Variants in PDE8B observed in about 807,000 individuals in gnomAD.
PDE8B encodes the protein phosphodiesterase 8B, also known as high affinity cAMP-specific and IBMX-insensitive 3',5'-cyclic phosphodiesterase 8B.
In PDE8B, 26 loss-of-function variants were observed where a neutral mutation model predicts 101.3. That is an observed-to-expected ratio of 0.26 (90% CI 0.19 to 0.36). PDE8B has a LOEUF of 0.36. Among genes scored for constraint, PDE8B ranks in the 10% least tolerant of loss-of-function variants. The probability of loss-of-function intolerance (pLI) is 1.00; values close to 1 mark genes in which losing one functional copy is unlikely to be tolerated. For synonymous variants in PDE8B, 424 were observed against 429.3 expected, an observed-to-expected ratio of 0.99 and a Z score of 0.15; for missense variants, 810 against 1,163.1, an observed-to-expected ratio of 0.70 and a Z score of 4.42.
chr5:77,409,391 G>C (rs1200041550), intron 14 of PDE8B, among the ~76,000 whole-genome samples: 1 of 152,086 alleles, frequency 6.6e-6, no homozygotes, highest in East Asian at 1.9e-4. Flanking sequence ...GCTTTCCCTT[G>C]ATCTGGTATA....
At chr5:77,277,136 G>C (rs1192036797) in intron 1 of PDE8B, among the ~76,000 whole-genome samples, 1 of 152,162 alleles carries the variant, frequency 6.6e-6, no homozygotes, top group Non-Finnish European at 1.5e-5. Context: ...GGGTGCTGTG[G>C]TAGAACGCAG....
chr5:77,146,547 A>T, the PDE8B span: 1 of 192,300 alleles, frequency 5.2e-6, no homozygotes, highest in Non-Finnish European at 1.1e-5. Flanking sequence ...TCTGTGCCTC[A>T]CTGAGGAAAA....
chr5:77,202,492 C>T, the PDE8B span, among the ~76,000 whole-genome samples: 1 of 152,154 alleles, frequency 6.6e-6, no homozygotes, highest in African/African-American at 2.4e-5. Context: ...TTCTTTTTCT[C>T]ATGTTTTTCT....
At chr5:77,160,700 G>A in the PDE8B span, among the ~76,000 whole-genome samples, 1 of 152,170 alleles carries the variant, frequency 6.6e-6, no homozygotes, top group African/African-American at 2.4e-5. Flanking sequence ...TGCCCAGGCT[G>A]TGTGCAGTGG....
chr5:77,107,547 T>C, the PDE8B span, among the ~76,000 whole-genome samples: 1 of 152,296 alleles, frequency 6.6e-6, no homozygotes, highest in African/African-American at 2.4e-5. Flanking sequence ...GGTTAGAACT[T>C]CTAGTGCAAT....
chr5:77,328,978 T>C lies in PDE8B; in HGVS notation c.591-20T>C, dbSNP rs756459332. The stretch of plus-strand genomic sequence containing the variant: ...CAAAGCCCAGATCACCTTGTTTGAC[T>C]TGGAGCCTTCTCATTGCAGGTCGAT... On this transcript the variant is annotated intron_variant, in intron 3 of 21. Coordinates refer to ENST00000264917, the MANE Select transcript of PDE8B (RefSeq NM_003719.5). 1.2e-6 allele frequency: 2 copies of C among 1,609,928 alleles called. No individual in the cohort carries two copies. Among genetic ancestry groups the C allele is most frequent in the Non-Finnish European group, 1.7e-6 (2 of 1,176,162 alleles).
intron 1 of PDE8B, among the ~76,000 whole-genome samples, chr5:77,260,582 ATTTTTTTTTTTT>A (rs34008487): frequency 8.7e-6 from 1 of 114,944 alleles, no homozygotes; most frequent in African/African-American, 3.4e-5. Context: ...ACTGTGGCTC[ATTTTTTTTTTTT>A]TTTTTTTTTT....
At chr5:77,250,674 G>T (rs1040362562) in intron 1 of PDE8B, among the ~76,000 whole-genome samples, 2 of 152,184 alleles carry the variant, frequency 1.3e-5, no homozygotes, top group Non-Finnish European at 2.9e-5. Context: ...GGTGAGGTGT[G>T]GGGAGGTCTC....
intron 1 of PDE8B, among the ~76,000 whole-genome samples, chr5:77,233,067 A>T: frequency 6.6e-6 from 1 of 151,764 alleles, no homozygotes; most frequent in African/African-American, 2.4e-5. Context: ...CCATGATTTC[A>T]CTCTGTGGCT....
At chr5:77,196,806 A>G in the PDE8B span, among the ~76,000 whole-genome samples, 1 of 152,132 alleles carries the variant, frequency 6.6e-6, no homozygotes, top group African/African-American at 2.4e-5. Context: ...TCACCTGAGA[A>G]TGTTTCTAGG....
chr5:77,426,601 A>T lies in PDE8B; in HGVS notation c.*47A>T. Reference sequence around the variant, plus strand: ...TCTTGACCGACAAAGGACACTGTGAATCACAGTAGCGTAAACGAGAGGCCT... The same window carrying T: ...TCTTGACCGACAAAGGACACTGTGATTCACAGTAGCGTAAACGAGAGGCCT... On this transcript the variant is annotated 3_prime_UTR_variant, in exon 22 of 22. Transcript: ENST00000264917. 2 of 974,304 alleles carry T rather than the reference A, an allele frequency of 2.1e-6. No individual in the cohort carries two copies. Among genetic ancestry groups the T allele is most frequent in the Non-Finnish European group, 3.3e-6 (2 of 599,314 alleles). 60.4% of individuals were successfully genotyped at this position (974,304 alleles called of 1,614,324 possible). A position where few individuals can be genotyped will look rare whatever the true frequency, so the allele number is the denominator to read the frequency against.
At chr5:77,375,513 A>G (rs1014776947) in intron 10 of PDE8B, among the ~76,000 whole-genome samples, 5 of 152,314 alleles carry the variant, frequency 3.3e-5, no homozygotes, top group Non-Finnish European at 7.4e-5. Flanking sequence ...AGAGGACATC[A>G]AACTTCTCTT....
intron 1 of PDE8B, among the ~76,000 whole-genome samples, chr5:77,262,659 A>T (rs187830377): frequency 7.2e-5 from 11 of 152,336 alleles, no homozygotes; most frequent in African/African-American, 2.4e-4. Flanking sequence ...TTCTTGTTGC[A>T]TACCGGAATT....
In PDE8B at chr5:77,328,991, A is replaced by G. The variant is rs200516880; in HGVS notation, c.591-7A>G. ...ACCTTGTTTGACTTGGAGCCTTCTC[A>G]TTGCAGGTCGATCCGGGCCACAAAT... On this transcript the variant is annotated splice_region_variant and splice_polypyrimidine_tract_variant and intron_variant, in intron 3 of 21. Coordinates refer to ENST00000264917, the MANE Select transcript of PDE8B (RefSeq NM_003719.5). 415 of 1,613,582 alleles carry G rather than the reference A, an allele frequency of 2.6e-4. 3 individuals carry two copies. Among genetic ancestry groups the G allele is most frequent in the Middle Eastern group, 3.3e-4 (2 of 6,054 alleles).
intron 6 of PDE8B, among the ~76,000 whole-genome samples, chr5:77,342,693 A>T (rs1161858752): frequency 6.6e-6 from 1 of 152,154 alleles, no homozygotes; most frequent in Non-Finnish European, 1.5e-5. Flanking sequence ...GTTGCTCTAG[A>T]TTAGGAAATT....
intron 1 of PDE8B, among the ~76,000 whole-genome samples, chr5:77,256,435 C>T (rs1482554426): frequency 6.6e-6 from 1 of 152,174 alleles, no homozygotes; most frequent in African/African-American, 2.4e-5. Flanking sequence ...CTGAATCCAG[C>T]TCATTCTTTT....
At chr5:77,188,061 AG>A in the PDE8B span, among the ~76,000 whole-genome samples, 2 of 152,232 alleles carry the variant, frequency 1.3e-5, no homozygotes, top group African/African-American at 4.8e-5. Flanking sequence ...TTCTAGTTCC[AG>A]TTAGTATTAA....
the PDE8B span, among the ~76,000 whole-genome samples, chr5:77,127,120 A>G: frequency 6.6e-6 from 1 of 152,122 alleles, no homozygotes; most frequent in Non-Finnish European, 1.5e-5. Context: ...ATCCACTTTC[A>G]CAAGCTTATC....
At chr5:77,327,665 T>A (rs1776289141) in intron 3 of PDE8B, among the ~76,000 whole-genome samples, 1 of 152,274 alleles carries the variant, frequency 6.6e-6, no homozygotes, top group South Asian at 2.1e-4. Context: ...ATAAAATAAG[T>A]ATAGCTTCAC....
Sources: gnomAD v4.1 joint callset for allele counts (sites outside exome capture counted in the v4.1 genomes callset) on GRCh38, gnomAD v4.1.1 for gene constraint, MANE v1.5 for transcripts, NCBI Gene and HGNC (gene_info 2026-07-23, HGNC 2026-07-21) for gene names.